RHPN2: variants seen among roughly 807,000 people sequenced by gnomAD.
RHPN2 encodes rhophilin-2.
RHPN2 carries 40 observed loss-of-function variants against 79.0 expected under a neutral mutation model. The observed-to-expected ratio is 0.51, with a 90% CI of 0.39 to 0.66. The LOEUF (loss-of-function observed/expected upper bound fraction) is 0.66, where lower values mean the gene tolerates loss of function less well. Among genes scored for constraint, RHPN2 ranks in the 30% least tolerant of loss-of-function variants. The probability of loss-of-function intolerance (pLI) is 0.00; values close to 1 mark genes in which losing one functional copy is unlikely to be tolerated. For missense variants in RHPN2, 686 were observed against 883.5 expected, an observed-to-expected ratio of 0.78 and a Z score of 2.83; for synonymous variants, 285 against 363.5, an observed-to-expected ratio of 0.78 and a Z score of 2.46.
chr19:32,980,208 T>C lies in RHPN2; in HGVS notation c.1849A>G (p.Met617Val), dbSNP rs756780863. The change falls in exon 15 of 15, where the codon ATG becomes GTG. Residue 617 changes from methionine (M) to valine (V), a missense_variant. Coordinates refer to ENST00000254260, the MANE Select transcript of RHPN2 (RefSeq NM_033103.5). ...YSVGMQKTYS[M>V]ICLAIDDDDK... ...TCATCATCAATGGCTAAGCAGATCA[T>C]GGAGTACGTTTTCTGCATTCCCACG... 3.1e-6 allele frequency: 5 copies of C among 1,613,856 alleles called. No homozygotes were observed. Among genetic ancestry groups the C allele is most frequent in the Admixed American group, 1.7e-5 (1 of 59,986 alleles).
chr19:33,027,118 G>T, intron 2 of RHPN2: 1 of 253,794 alleles, frequency 3.9e-6, no homozygotes, highest in Non-Finnish European at 7.8e-6. Flanking sequence ...AAACTAGCTG[G>T]GTGTGGTGGT....
chr19:32,994,484 G>C (rs1243427362), intron 11 of RHPN2, among the ~76,000 whole-genome samples: 1 of 152,122 alleles, frequency 6.6e-6, no homozygotes, highest in African/African-American at 2.4e-5. Flanking sequence ...AGTAGCAGAA[G>C]AAGATGGAAC....
At position 33,040,231 on chromosome 19, in the gene RHPN2, CTT is replaced by C. The variant is rs1007486362; in HGVS notation, c.185+4016_185+4017del. Among the ~76,000 whole-genome samples the C allele has an allele frequency of 1.6e-3, 161 of 97,750 alleles. 2 individuals carry two copies. The highest frequency in any genetic ancestry group is 8.7e-3 in the South Asian group (21 of 2,412). The allele number at this position is 97,750 out of a possible 152,430, so 64.1% of individuals were successfully genotyped here. ...AACTAGTTAAAACTAGGCAACCTGCCTTTTTTTTTTTTTTTTTTTTTTTGAGA... is the reference window on the plus strand; with the variant it reads ...AACTAGTTAAAACTAGGCAACCTGCCTTTTTTTTTTTTTTTTTTTTTGAGA... On this transcript the variant is annotated intron_variant, in intron 2 of 14. Coordinates refer to ENST00000254260, the MANE Select transcript of RHPN2 (RefSeq NM_033103.5).
At chr19:32,980,392 G>T (rs1238720452) in intron 14 of RHPN2, 136 bp from the exon 15 acceptor site, 2 of 983,228 alleles carry the variant, frequency 2.0e-6, no homozygotes, top group African/African-American at 3.2e-5. Context: ...CGGATCACTT[G>T]AGGTCAGGAG....
chr19:33,021,629 G>A lies in RHPN2; in HGVS notation c.332C>T (p.Pro111Leu), dbSNP rs1378475032. 1 of 1,613,814 alleles carries A rather than the reference G, an allele frequency of 6.2e-7. No individual in the cohort carries two copies. The highest frequency in any genetic ancestry group is 8.5e-7 in the Non-Finnish European group (1 of 1,179,792). The stretch of plus-strand genomic sequence containing the variant: ...TTCCTTCAGGCCAAGAGGAATCAGG[G>A]GAATCGTAAATGCCTCCCTATGAGG... ...YQNTEEAFTI[P>L]LIPLGLKETK... Residue 111 changes from proline (P) to leucine (L), a missense_variant, in exon 4 of 15, where the codon CCC becomes CTC. Coordinates refer to ENST00000254260, the MANE Select transcript of RHPN2 (RefSeq NM_033103.5).
intron 1 of RHPN2, among the ~76,000 whole-genome samples, chr19:33,055,733 T>TAA (rs143391688): frequency 0.18 from 24,647 of 136,104 alleles, 2,294 homozygotes; most frequent in East Asian, 0.37. Context: ...GCTTCTGGGT[T>TAA]AAAAAAAAAA....
rs756037103 is a variant in RHPN2, at chr19:33,002,314, G to A, written c.1038C>T (p.Cys346=). Residue 346 remains cysteine, a synonymous_variant, in exon 9 of 15, where the codon TGC becomes TGT. Coordinates refer to ENST00000254260, the MANE Select transcript of RHPN2 (RefSeq NM_033103.5). ...NIPYSWASLA[C]VKAHHYAALA... is the part of the protein sequence containing the mutation. ...GGGCCGCGTAGTGGTGGGCCTTCAC[G>A]CAGGCTAAGCTGGCCCAGGAGTAGG... 41 of 1,613,802 alleles carry A rather than the reference G, an allele frequency of 2.5e-5. No homozygotes were observed. Among genetic ancestry groups the A allele is most frequent in the Non-Finnish European group, 3.3e-5 (39 of 1,179,884 alleles).
intron 2 of RHPN2, among the ~76,000 whole-genome samples, chr19:33,036,664 C>G (rs977747376): frequency 6.6e-6 from 1 of 152,178 alleles, no homozygotes; most frequent in Non-Finnish European, 1.5e-5. Context: ...GGAACCAGGG[C>G]TGCCCGCGGT....
intron 1 of RHPN2, among the ~76,000 whole-genome samples, chr19:33,063,079 C>T (rs1442807807): frequency 6.6e-6 from 1 of 152,066 alleles, no homozygotes; most frequent in Non-Finnish European, 1.5e-5. Context: ...TGCGGGAGGC[C>T]ACACAGCAAT....
intron 9 of RHPN2, among the ~76,000 whole-genome samples, chr19:33,000,313 C>G (rs146321743): frequency 6.6e-6 from 1 of 151,566 alleles, no homozygotes; most frequent in Non-Finnish European, 1.5e-5. Flanking sequence ...CTCCACCTCC[C>G]GGGTTCAAGC....
intron 1 of RHPN2, among the ~76,000 whole-genome samples, chr19:33,050,366 C>A (rs1380591358): frequency 2.6e-5 from 4 of 152,156 alleles, no homozygotes; most frequent in African/African-American, 9.7e-5. Context: ...TCATTCCCTT[C>A]TTTGTATCTC....
At chr19:33,064,755 T>TTGGG in intron 1 of RHPN2, 29 bp downstream of exon 1, 4 of 1,427,932 alleles carry the variant, frequency 2.8e-6, no homozygotes, top group Non-Finnish European at 3.8e-6. Context: ...AGCCCGCAGG[T>TTGGG]CCCCGCCCGC....
chr19:32,982,721 C>T (rs1368127595), intron 14 of RHPN2, among the ~76,000 whole-genome samples: 5 of 152,078 alleles, frequency 3.3e-5, no homozygotes, highest in Admixed American at 6.6e-5. Context: ...TGCCCCCACT[C>T]GCTCATCTCC....
chr19:33,003,390 A>G (rs1372550261), intron 7 of RHPN2, among the ~76,000 whole-genome samples: 2 of 149,528 alleles, frequency 1.3e-5, no homozygotes, highest in East Asian at 3.9e-4. Context: ...AAAGGAAAAG[A>G]CAGGAGAAAA....
At position 32,979,937 on chromosome 19, in the gene RHPN2, G is replaced by T. The variant is rs541916478; in HGVS notation, c.*59C>A. 1.3e-6 allele frequency: 2 copies of T among 1,593,606 alleles called. No individual in the cohort carries two copies. The highest frequency in any genetic ancestry group is 1.7e-6 in the Non-Finnish European group (2 of 1,161,872). ...AGATATTTTCCATTATGGCACAAACGTTTAAGGCCGAGTCAGCACCGGAAA... is the reference window on the plus strand; with the variant it reads ...AGATATTTTCCATTATGGCACAAACTTTTAAGGCCGAGTCAGCACCGGAAA... On this transcript the variant is annotated 3_prime_UTR_variant, in exon 15 of 15. Coordinates refer to ENST00000254260, the MANE Select transcript of RHPN2 (RefSeq NM_033103.5).
chr19:33,063,269 CT>C (rs75270802), intron 1 of RHPN2, among the ~76,000 whole-genome samples: 13,758 of 146,144 alleles, frequency 0.094, 830 homozygotes, highest in Admixed American at 0.21. Flanking sequence ...CTCAAAACTA[CT>C]TTTTTTTTTT....
At chr19:33,026,971 T>G (rs1971972976) in intron 2 of RHPN2, 19 of 342,704 alleles carry the variant, frequency 5.5e-5, no homozygotes, top group Admixed American at 7.6e-5. Flanking sequence ...AAATGAATGA[T>G]TCCAGCCGGG....
chr19:32,999,610 T>C lies in RHPN2; in HGVS notation c.1201A>G (p.Asn401Asp). The change falls in exon 10 of 15, where the codon AAT becomes GAT. Residue 401 changes from asparagine to aspartate, a missense_variant. Transcript: ENST00000254260. The stretch of plus-strand genomic sequence containing the variant: ...CCCAGCTGTCGGCGCTGCTGATCAT[T>C]CTTCAGTGTGGCCAAGGGTGTCAGC... ...EGLTPLATLK[N>D]DQQRRQLGKS... The C allele has an allele frequency of 6.2e-7, 1 of 1,612,752 alleles. No individual in the cohort carries two copies. The highest frequency in any genetic ancestry group is 8.5e-7 in the Non-Finnish European group (1 of 1,179,204).
chr19:33,052,691 A>G (rs1972198715), intron 1 of RHPN2, among the ~76,000 whole-genome samples: 1 of 152,214 alleles, frequency 6.6e-6, no homozygotes, highest in African/African-American at 2.4e-5. Flanking sequence ...GGCTGGGTGG[A>G]AAGAATCTAG....
Sources: allele counts gnomAD v4.1 joint callset (sites outside exome capture counted in the v4.1 genomes callset), GRCh38; gene constraint gnomAD v4.1.1; transcripts MANE v1.5; gene names NCBI Gene and HGNC (gene_info 2026-07-23, HGNC 2026-07-21).